Variants in INTS2 observed in about 807,000 individuals in gnomAD.
The protein encoded by INTS2 is KIAA1287.
INTS2 carries 57 observed loss-of-function variants against 139.6 expected under a neutral mutation model. The observed-to-expected ratio is 0.41, with a 90% CI of 0.33 to 0.51. INTS2 has a LOEUF of 0.51. Ranked by LOEUF, INTS2 falls within the 20% of genes least tolerant of loss-of-function variation. INTS2 has a pLI of 0.28. For synonymous variants in INTS2, 473 were observed against 493.4 expected (o/e 0.96, Z 0.55); for missense variants, 1,196 against 1,436.7 (o/e 0.83, Z 2.71).
In INTS2 at chr17:61,870,072, TATG is replaced by T. The variant is rs1192300439; in HGVS notation, c.2779-87_2779-85del. On this transcript the variant is annotated intron_variant, in intron 20 of 24. Transcript: ENST00000251334. The surrounding 1 kb of genome is among the most constrained non-coding windows in gnomAD (Gnocchi z 4.4). ...CAGATTTTATTTTCACATGAACAGA[TATG>T]ATAAAATAACTAATTTCTTAAACAC... 2 of 1,257,334 alleles carry T rather than the reference TATG, an allele frequency of 1.6e-6. No individual in the cohort carries two copies. The highest frequency in any genetic ancestry group is 3.0e-5 in the African/African-American group (2 of 66,416). 77.9% of individuals were successfully genotyped at this position (1,257,334 alleles called of 1,614,324 possible). A position where few individuals can be genotyped will look rare whatever the true frequency, so the allele number is the denominator to read the frequency against.
chr17:61,875,540 G>A lies in INTS2; in HGVS notation c.2457-502C>T, dbSNP rs921328119. 6.6e-6 allele frequency among the ~76,000 whole-genome samples: 1 copy of A among 152,114 alleles called. No homozygotes were observed. The highest frequency in any genetic ancestry group is 1.9e-4 in the East Asian group (1 of 5,194). On this transcript the variant is annotated intron_variant, in intron 18 of 24. Transcript: ENST00000251334. This position sits in a 1 kb window ranked among gnomAD's most constrained non-coding sequence, Gnocchi z 4.6. ...ATTAGACATTAATAGATTATAAGTG[G>A]TTACTAAAATGACTGCACATCATAA... is the stretch of plus-strand genomic sequence containing the variant.
chr17:61,914,411 CT>C (rs1384786702), intron 5 of INTS2, among the ~76,000 whole-genome samples: 3 of 152,008 alleles, frequency 2.0e-5, no homozygotes, highest in Non-Finnish European at 2.9e-5. Context: ...AAAAAATTAG[CT>C]GGGCGCGCCA....
In INTS2 at chr17:61,897,654, T is replaced by A. The variant is rs1056902527; in HGVS notation, c.1379+14A>T. 15 of 1,594,900 alleles carry A rather than the reference T, an allele frequency of 9.4e-6. No homozygotes were observed. The highest frequency in any genetic ancestry group is 1.3e-5 in the Non-Finnish European group (15 of 1,168,932). On this transcript the variant is annotated intron_variant, in intron 10 of 24. Transcript: ENST00000251334. This position sits in a 1 kb window ranked among gnomAD's most constrained non-coding sequence, Gnocchi z 4.4. The stretch of plus-strand genomic sequence containing the variant: ...AGAAAAGCTTTCTCAACTAACTAAA[T>A]CAAATTATCTTACCTCTCAAAATAC...
In INTS2 at chr17:61,866,751, T is replaced by G. The variant is rs1396429088; in HGVS notation, c.*806A>C. 6.6e-6 allele frequency: 1 copy of G among 152,162 alleles called. No individual in the cohort carries two copies. Among genetic ancestry groups the G allele is most frequent in the East Asian group, 1.9e-4 (1 of 5,196 alleles). The allele number at this position is 152,162 out of a possible 1,614,324, so 9.4% of individuals were successfully genotyped here. On this transcript the variant is annotated 3_prime_UTR_variant, in exon 25 of 25. Coordinates refer to ENST00000251334, the MANE Select transcript of INTS2 (RefSeq NM_001351695.2). Reference sequence around the variant, plus strand: ...CCCCTCTGAGCATTAGGTAAGTTAATAAAGCATTATAAAAATAAATTTAAA... The same window carrying G: ...CCCCTCTGAGCATTAGGTAAGTTAAGAAAGCATTATAAAAATAAATTTAAA...
rs754959847 is a variant in INTS2 at position 61,926,546 on chromosome 17, T to C, written c.99A>G (p.Glu33=). ...CCAAACAGGGCAGAAGAAGTCTTAA[T>C]TCTGGATCACTTAAAGATGCCAGGC... ...VVCLASLSDP[E]LRLLLPCLVR... is the part of the protein sequence containing the mutation. Residue 33 remains glutamate (E), a synonymous_variant, in exon 2 of 25, where the codon GAA becomes GAG. Transcript: ENST00000251334. 2.5e-5 allele frequency: 40 copies of C among 1,613,622 alleles called. No individual in the cohort carries two copies. The highest frequency in any genetic ancestry group is 1.3e-5 in the African/African-American group (1 of 74,934).
rs998538537 is a variant in INTS2 at position 61,921,913 on chromosome 17, G to T, written c.433-86C>A. The T allele has an allele frequency of 1.8e-5, 13 of 705,394 alleles. 1 individual carries two copies. The South Asian group carries it at 2.5e-4, about 14-fold the overall frequency. 43.7% of individuals were successfully genotyped at this position (705,394 alleles called of 1,614,324 possible). Reference sequence around the variant, plus strand: ...TTTATAATTATTTCTTGAGCTCACAGATTATGTCTCTTAATGTATCACTAA... The same window carrying T: ...TTTATAATTATTTCTTGAGCTCACATATTATGTCTCTTAATGTATCACTAA... On this transcript the variant is annotated intron_variant, in intron 3 of 24. Coordinates refer to ENST00000251334, the MANE Select transcript of INTS2 (RefSeq NM_001351695.2).
At chr17:61,896,866 A>C (rs1008345507) in intron 11 of INTS2, among the ~76,000 whole-genome samples, 1 of 152,220 alleles carries the variant, frequency 6.6e-6, no homozygotes, top group African/African-American at 2.4e-5. Context: ...CTCATGAAAC[A>C]CCTTAACATA....
chr17:61,922,523 TATATATATATATATATATATATAC>T (rs1455505000), intron 3 of INTS2, among the ~76,000 whole-genome samples: 15 of 57,916 alleles, frequency 2.6e-4, no homozygotes, highest in African/African-American at 8.7e-4. Context: ...TATATATATA[TATATATATATATATATATATATAC>T]GTGTTCAATT....
intron 12 of INTS2, 94 bp downstream of exon 12, chr17:61,895,221 C>A (rs2079335026): frequency 1.2e-5 from 8 of 649,784 alleles, no homozygotes; most frequent in Middle Eastern, 3.5e-4. Flanking sequence ...AGAAAAAAGA[C>A]CATATTATTT....
In INTS2 at chr17:61,868,509, G is replaced by C. The variant is rs1165685189; in HGVS notation, c.3245-500C>G. Among the ~76,000 whole-genome samples, 1 of 152,040 alleles carries C rather than the reference G, an allele frequency of 6.6e-6. No individual in the cohort carries two copies. Among genetic ancestry groups the C allele is most frequent in the Non-Finnish European group, 1.5e-5 (1 of 67,962 alleles). The stretch of plus-strand genomic sequence containing the variant: ...TAAGTTAACTATGCCATTACATTAA[G>C]GGTTGCATTATAGTTCATATATTTT... On this transcript the variant is annotated intron_variant, in intron 23 of 24. Transcript: ENST00000251334. The surrounding 1 kb of genome is among the most constrained non-coding windows in gnomAD (Gnocchi z 4.7).
chr17:61,895,996 C>T (rs921051008), intron 11 of INTS2, among the ~76,000 whole-genome samples: 1 of 151,990 alleles, frequency 6.6e-6, no homozygotes, highest in Non-Finnish European at 1.5e-5. Context: ...AATCCCAGCA[C>T]TTTGGGAGGC....
intron 18 of INTS2, among the ~76,000 whole-genome samples, chr17:61,877,479 C>A (rs912712741): frequency 6.6e-6 from 1 of 152,162 alleles, no homozygotes; most frequent in African/African-American, 2.4e-5. Context: ...GCCTGACTCC[C>A]ACCCACAAAC....
chr17:61,885,723 A>ATTTTT (rs1306536844), intron 15 of INTS2, among the ~76,000 whole-genome samples: 1 of 87,200 alleles, frequency 1.1e-5, no homozygotes, highest in Admixed American at 1.3e-4. Context: ...GGCCCGGCCA[A>ATTTTT]TTTTTTTTTT....
chr17:61,911,917 T>C (rs1411369918), intron 6 of INTS2, 23 bp downstream of exon 6: 1 of 1,603,506 alleles, frequency 6.2e-7, no homozygotes, highest in East Asian at 2.2e-5. Context: ...GGCCTTTGTC[T>C]AATAAAACAC....
At chr17:61,927,525 C>G (rs1011116688) in intron 1 of INTS2, 129 bp downstream of exon 1, 16 of 430,852 alleles carry the variant, frequency 3.7e-5, no homozygotes, top group Non-Finnish European at 5.0e-5. Context: ...GGAGCCAAGA[C>G]CTGCGTGCTC....
chr17:61,900,674 T>TTTTTA (rs1341731555), intron 9 of INTS2, among the ~76,000 whole-genome samples: 9 of 152,128 alleles, frequency 5.9e-5, no homozygotes, highest in Non-Finnish European at 1.2e-4. Flanking sequence ...ATATGAACAA[T>TTTTTA]CGGCCAGACG....
intron 7 of INTS2, among the ~76,000 whole-genome samples, chr17:61,908,190 G>A (rs541139392): frequency 5.6e-4 from 86 of 152,274 alleles, no homozygotes; most frequent in African/African-American, 1.7e-3. Flanking sequence ...CAAGGCGGAC[G>A]GATCACTTGA....
intron 5 of INTS2, among the ~76,000 whole-genome samples, chr17:61,914,561 G>A (rs1012508770): frequency 5.9e-5 from 9 of 151,960 alleles, no homozygotes; most frequent in African/African-American, 1.4e-4. Context: ...TTAGCCGGGC[G>A]TGGTGGTGGC....
At chr17:61,911,406 C>G (rs893530328) in intron 7 of INTS2, 114 bp downstream of exon 7, 6 of 853,570 alleles carry the variant, frequency 7.0e-6, no homozygotes, top group Non-Finnish European at 6.6e-6. Context: ...GTCCCTGAAA[C>G]TAGAAAGTGT....
Sources: gnomAD v4.1 joint callset for allele counts (sites outside exome capture counted in the v4.1 genomes callset) on GRCh38, gnomAD v4.1.1 for gene constraint, Gnocchi (gnomAD v3.1) non-coding constraint, MANE v1.5 for transcripts, NCBI Gene and HGNC (gene_info 2026-07-23, HGNC 2026-07-21) for gene names.